The following RASSF4 variants were observed in gnomAD, a reference collection of about 807,000 sequenced individuals.
The protein encoded by RASSF4 is ras association domain-containing protein 4.
In RASSF4, 38 loss-of-function variants were observed where a neutral mutation model predicts 41.1. The observed-to-expected ratio is 0.92, with a 90% CI of 0.71 to 1.21. The LOEUF is 1.21. RASSF4 is among the 50% of genes most tolerant of loss of function. RASSF4 has a pLI of 0.00. For missense variants in RASSF4, 414 were observed against 419.4 expected, an observed-to-expected ratio of 0.99 and a Z score of 0.11; for synonymous variants, 179 against 163.4, an observed-to-expected ratio of 1.10 and a Z score of -0.73.
intron 1 of RASSF4, among the ~76,000 whole-genome samples, chr10:44,961,572 G>C (rs538968924): frequency 6.6e-6 from 1 of 152,180 alleles, no homozygotes; most frequent in South Asian, 2.1e-4. Context: ...CCATCTCTGG[G>C]GCTCCACAGT....
At chr10:44,992,121 G>C (rs1842137244) in intron 10 of RASSF4, 119 bp downstream of exon 10, 4 of 653,234 alleles carry the variant, frequency 6.1e-6, no homozygotes. Context: ...CCCTGGTACG[G>C]GAAGGCCTGC....
intron 3 of RASSF4, among the ~76,000 whole-genome samples, chr10:44,975,942 A>AG (rs1218566617): frequency 6.6e-6 from 1 of 152,022 alleles, no homozygotes; most frequent in African/African-American, 2.4e-5. Flanking sequence ...GCTTTGCAGA[A>AG]GGGGCTGTAG....
rs751576842 is a variant in RASSF4 at position 44,991,051 on chromosome 10, C to T, written c.789C>T (p.Gly263=). Residue 263 remains glycine, a synonymous_variant, in exon 9 of 11, where the codon GGC becomes GGT. Coordinates refer to ENST00000340258, the MANE Select transcript of RASSF4 (RefSeq NM_032023.4). ...ARIFLMEADL[G]VEVPHEVAQY... Reference sequence around the variant, plus strand: ...TCTTCCTGATGGAAGCTGACTTGGGCGTGGAAGTCCCCCATGAAGTGAGTG... The same window carrying T: ...TCTTCCTGATGGAAGCTGACTTGGGTGTGGAAGTCCCCCATGAAGTGAGTG... The T allele has an allele frequency of 1.5e-5, 24 of 1,613,224 alleles. No individual in the cohort carries two copies. Among genetic ancestry groups the T allele is most frequent in the African/African-American group, 6.7e-5 (5 of 74,922 alleles).
chr10:44,991,744 G>A (rs1316730261), intron 9 of RASSF4, among the ~76,000 whole-genome samples, 161 bp from the exon 10 acceptor site: 2 of 152,218 alleles, frequency 1.3e-5, no homozygotes, highest in East Asian at 3.8e-4. Context: ...CCTGGCATCT[G>A]TACACAACAC....
intron 3 of RASSF4, chr10:44,981,472 T>G (rs1161556982): frequency 1.3e-5 from 2 of 152,226 alleles, no homozygotes; most frequent in African/African-American, 4.8e-5. Flanking sequence ...GTAGTTCTTA[T>G]GTTAAATGTC....
Position 44,993,502 on chromosome 10 carries a change from C to T in RASSF4, c.*173C>T. Reference sequence around the variant, plus strand: ...CATGATTCCCACAGCCAGCTCTTGGCTCCAAGATGAGCACCCACAGGAAGC... The same window carrying T: ...CATGATTCCCACAGCCAGCTCTTGGTTCCAAGATGAGCACCCACAGGAAGC... On this transcript the variant is annotated 3_prime_UTR_variant, in exon 11 of 11. Coordinates refer to ENST00000340258, the MANE Select transcript of RASSF4 (RefSeq NM_032023.4). The T allele has an allele frequency of 1.6e-6, 1 of 618,334 alleles. No homozygotes were observed. The highest frequency in any genetic ancestry group is 2.8e-5 in the East Asian group (1 of 35,880). 38.3% of individuals were successfully genotyped at this position (618,334 alleles called of 1,614,324 possible). A position where few individuals can be genotyped will look rare whatever the true frequency, so the allele number is the denominator to read the frequency against.
In RASSF4 at chr10:44,991,019, G is replaced by A. The variant is rs201005781; in HGVS notation, c.757G>A (p.Ala253Thr). 3.4e-5 allele frequency: 55 copies of A among 1,613,348 alleles called. No individual in the cohort carries two copies. Among genetic ancestry groups the A allele is most frequent in the African/African-American group, 1.9e-4 (14 of 74,924 alleles). Reference sequence around the variant, plus strand: ...CCTGCATGGGCCATGTGAGAAGATCGCCAGGATCTTCCTGATGGAAGCTGA... The same window carrying A: ...CCTGCATGGGCCATGTGAGAAGATCACCAGGATCTTCCTGATGGAAGCTGA... ...RILHGPCEKI[A>T]RIFLMEADLG... The change falls in exon 9 of 11, where the codon GCC becomes ACC. Residue 253 changes from alanine to threonine, a missense_variant. Physicochemically the swap from Ala to Thr is moderately conservative, Grantham distance 58. Coordinates refer to ENST00000340258, the MANE Select transcript of RASSF4 (RefSeq NM_032023.4).
At chr10:44,987,485 G>C (rs895836832) in intron 6 of RASSF4, among the ~76,000 whole-genome samples, 5 of 152,100 alleles carry the variant, frequency 3.3e-5, no homozygotes, top group Middle Eastern at 3.4e-3. Context: ...AACTAGAATC[G>C]AGCTGGGGGA....
chr10:44,969,126 GTGTA>G (rs1274639426), intron 1 of RASSF4, among the ~76,000 whole-genome samples: 2 of 151,810 alleles, frequency 1.3e-5, no homozygotes, highest in East Asian at 3.9e-4. Flanking sequence ...GTGTGTGTGT[GTGTA>G]TGTATGTGTG....
chr10:44,987,044 A>T (rs1841944485), intron 6 of RASSF4, among the ~76,000 whole-genome samples: 1 of 152,234 alleles, frequency 6.6e-6, no homozygotes, highest in African/African-American at 2.4e-5. Context: ...CGTGCAGAAG[A>T]AACACAGTGT....
At chr10:44,972,742 T>C (rs766925208) in intron 3 of RASSF4, among the ~76,000 whole-genome samples, 2 of 152,250 alleles carry the variant, frequency 1.3e-5, no homozygotes, top group Non-Finnish European at 2.9e-5. Flanking sequence ...GCAAGTCTTA[T>C]CGTGGTGAGG....
rs1413946499 is a variant in RASSF4, at chr10:44,995,507, T to C, written c.*2178T>C. The C allele has an allele frequency of 1.3e-5, 2 of 152,254 alleles. No individual in the cohort carries two copies. Among genetic ancestry groups the C allele is most frequent in the Non-Finnish European group, 2.9e-5 (2 of 68,038 alleles). The allele number at this position is 152,254 out of a possible 1,614,324, so 9.4% of individuals were successfully genotyped here. ...TGGTTGGTTTGCTTTTGAAAGTTAT[T>C]ACAATATTATTTAAGGCCTTTTCGG... On this transcript the variant is annotated 3_prime_UTR_variant, in exon 11 of 11. Transcript: ENST00000340258.
At chr10:44,968,475 A>G (rs529940825) in intron 1 of RASSF4, among the ~76,000 whole-genome samples, 20 of 152,270 alleles carry the variant, frequency 1.3e-4, no homozygotes, top group African/African-American at 4.8e-4. Flanking sequence ...TATGGATAGG[A>G]TGATCCTGAG....
At chr10:44,972,257 T>C (rs1841205884) in intron 3 of RASSF4, among the ~76,000 whole-genome samples, 2 of 152,118 alleles carry the variant, frequency 1.3e-5, no homozygotes, top group Admixed American at 1.3e-4. Flanking sequence ...ATCTGCAGGG[T>C]CTCACCTGTG....
intron 3 of RASSF4, among the ~76,000 whole-genome samples, chr10:44,972,763 G>C (rs916526549): frequency 1.2e-4 from 19 of 152,180 alleles, no homozygotes; most frequent in Admixed American, 9.2e-4. Context: ...CTGTTTTTTG[G>C]GGGGTTCTGC....
chr10:44,992,074 C>A (rs1297981216), intron 10 of RASSF4, 72 bp downstream of exon 10: 3 of 999,732 alleles, frequency 3.0e-6, no homozygotes, highest in African/African-American at 3.2e-5. Flanking sequence ...AGCACCAGTG[C>A]CGGCTGGGAG....
At position 44,984,087 on chromosome 10, in the gene RASSF4, A is replaced by G; in HGVS notation, c.347A>G (p.Lys116Arg). 1 of 1,605,450 alleles carries G rather than the reference A, an allele frequency of 6.2e-7. No individual in the cohort carries two copies. Among genetic ancestry groups the G allele is most frequent in the Non-Finnish European group, 8.5e-7 (1 of 1,176,236 alleles). The change falls in exon 5 of 11, where the codon AAG becomes AGG. Residue 116 changes from lysine to arginine, a missense_variant. Coordinates refer to ENST00000340258, the MANE Select transcript of RASSF4 (RefSeq NM_032023.4). ...GGGCCAAGCATTCAGCCAGTGCACA[A>G]GGCTGAGAGTTCCACAGACAGCTCG... ...AQGPSIQPVH[K>R]AESSTDSSGP...
chr10:44,991,822 G>A (rs1448041900), intron 9 of RASSF4, 83 bp from the exon 10 acceptor site: 1 of 883,244 alleles, frequency 1.1e-6, no homozygotes, highest in African/African-American at 1.7e-5. Context: ...GGCTGGATGG[G>A]CCACTATGGA....
At chr10:44,980,652 C>G (rs1841669990) in intron 3 of RASSF4, among the ~76,000 whole-genome samples, 1 of 152,242 alleles carries the variant, frequency 6.6e-6, no homozygotes, top group Non-Finnish European at 1.5e-5. Context: ...AGCACCTCCT[C>G]CAAGAAGCTC....
Sources: allele counts gnomAD v4.1 joint callset (sites outside exome capture counted in the v4.1 genomes callset), GRCh38; gene constraint gnomAD v4.1.1; transcripts MANE v1.5; gene names NCBI Gene and HGNC (gene_info 2026-07-23, HGNC 2026-07-21).